PI4KA: variants seen among roughly 807,000 people sequenced by gnomAD.
The protein encoded by PI4KA is phosphatidylinositol 4-kinase alpha.
PI4KA carries 122 observed loss-of-function variants against 271.4 expected under a neutral mutation model. The observed-to-expected ratio is 0.45, with a 90% CI of 0.39 to 0.52. The LOEUF is 0.52. Ranked by LOEUF, PI4KA falls within the 20% of genes least tolerant of loss-of-function variation. The pLI is 0.00. For synonymous variants in PI4KA, 1,041 were observed against 1,078.8 expected, an observed-to-expected ratio of 0.96 and a Z score of 0.69; for missense variants, 1,969 against 2,769.1, an observed-to-expected ratio of 0.71 and a Z score of 6.48.
chr22:20,796,783 G>A (rs971068253), intron 17 of PI4KA, among the ~76,000 whole-genome samples: 5 of 152,230 alleles, frequency 3.3e-5, no homozygotes, highest in Non-Finnish European at 7.3e-5. Flanking sequence ...CCACCTTGGA[G>A]CTGATGTCAG....
At chr22:20,857,345 C>A (rs1221436153) in intron 1 of PI4KA, among the ~76,000 whole-genome samples, 5 of 152,170 alleles carry the variant, frequency 3.3e-5, no homozygotes, top group South Asian at 2.1e-4. Context: ...ACCTTCTCAC[C>A]CCGAAGGTGC....
chr22:20,786,076 G>A (rs1394948209), intron 19 of PI4KA: 1 of 1,614,120 alleles, frequency 6.2e-7, no homozygotes, highest in Non-Finnish European at 8.5e-7. Flanking sequence ...TGAAGTTGAT[G>A]GGGATCAGGA....
chr22:20,803,862 T>C (rs1238975834), intron 12 of PI4KA, among the ~76,000 whole-genome samples: 3 of 152,188 alleles, frequency 2.0e-5, no homozygotes, highest in East Asian at 1.9e-4. Context: ...TTTGGAAGCA[T>C]ACTAAAGAAG....
At chr22:20,846,075 C>A (rs1241250654) in intron 1 of PI4KA, among the ~76,000 whole-genome samples, 1 of 151,438 alleles carries the variant, frequency 6.6e-6, no homozygotes, top group Non-Finnish European at 1.5e-5. Context: ...CTGGCCAACA[C>A]AGTGAAACCC....
Position 20,742,673 on chromosome 22 carries a change from CG to C in PI4KA, c.3547del (p.Arg1183AlafsTer14). 6.2e-7 allele frequency: 1 copy of C among 1,613,994 alleles called. No individual in the cohort carries two copies. Among genetic ancestry groups the C allele is most frequent in the African/African-American group, 1.3e-5 (1 of 74,996 alleles). ...MVQDLHSALD[R>X]SHPQHYTQAM... ...CTGCGTGTAGTGCTGAGGATGACTG[CG>C]GTCTAAAGCTGAATGTAGATCCTGG... On this transcript the variant is annotated frameshift_variant, in exon 31 of 55. Coordinates refer to ENST00000255882, the MANE Select transcript of PI4KA (RefSeq NM_058004.4). LOFTEE classifies it high-confidence loss of function.
In PI4KA at chr22:20,752,807, C is replaced by T. The variant is rs1201124716; in HGVS notation, c.2987+96G>A. The T allele has an allele frequency of 1.2e-5, 16 of 1,323,476 alleles. No homozygotes were observed. The East Asian group carries it at 3.5e-4, about 29-fold the overall frequency. The allele number at this position is 1,323,476 out of a possible 1,614,324, so 82.0% of individuals were successfully genotyped here. ...AGTTTTCATTCTGACTCCATTTTTT[C>T]CTAGATTAATAATATAAGGATGATT... On this transcript the variant is annotated intron_variant, in intron 25 of 54. Coordinates refer to ENST00000255882, the MANE Select transcript of PI4KA (RefSeq NM_058004.4).
chr22:20,779,636 G>A lies in PI4KA; in HGVS notation c.2328+13557C>T, dbSNP rs376406193. On this transcript the variant is annotated intron_variant, in intron 19 of 54. Coordinates refer to ENST00000255882, the MANE Select transcript of PI4KA (RefSeq NM_058004.4). The stretch of plus-strand genomic sequence containing the variant: ...CAGTTTCCCCGACAGACTCTGATGT[G>A]AGTGCTGGGAACATCCTCCAGCTTT... The A allele has an allele frequency of 5.0e-6, 8 of 1,614,040 alleles. No homozygotes were observed. In the African/African-American group the frequency reaches 9.3e-5, roughly 19 times the overall value.
intron 1 of PI4KA, among the ~76,000 whole-genome samples, chr22:20,854,182 G>C (rs1323359437): frequency 2.7e-5 from 4 of 150,004 alleles, no homozygotes; most frequent in Non-Finnish European, 5.9e-5. Flanking sequence ...ATGCAGTGGT[G>C]AGATCTCGGC....
intron 19 of PI4KA, among the ~76,000 whole-genome samples, chr22:20,767,031 A>G (rs1932598202): frequency 6.6e-6 from 1 of 152,254 alleles, no homozygotes; most frequent in African/African-American, 2.4e-5. Flanking sequence ...TGAGAAATCT[A>G]TCCAAAAAAT....
chr22:20,794,035 C>T (rs1400068938), intron 18 of PI4KA, among the ~76,000 whole-genome samples: 1 of 152,258 alleles, frequency 6.6e-6, no homozygotes, highest in African/African-American at 2.4e-5. Flanking sequence ...CAAGGCCACA[C>T]AGCACCTCAG....
At chr22:20,851,237 C>T (rs1225563026) in intron 1 of PI4KA, among the ~76,000 whole-genome samples, 2 of 151,994 alleles carry the variant, frequency 1.3e-5, no homozygotes, top group Non-Finnish European at 1.5e-5. Context: ...AATACCAGGG[C>T]CTAGCACAGT....
At chr22:20,821,450 C>CCT (rs1282179748) in intron 4 of PI4KA, among the ~76,000 whole-genome samples, 2 of 152,012 alleles carry the variant, frequency 1.3e-5, no homozygotes, top group Non-Finnish European at 2.9e-5. Context: ...GAACTCCTGA[C>CCT]CTCAGGTGAT....
At chr22:20,728,072 A>C (rs1927579665) in intron 39 of PI4KA, among the ~76,000 whole-genome samples, 1 of 152,196 alleles carries the variant, frequency 6.6e-6, no homozygotes, top group Non-Finnish European at 1.5e-5. Context: ...TAATAACTTA[A>C]TTGTATATTG....
rs757381753 is a variant in PI4KA, at chr22:20,805,134, A to G, written c.1200T>C (p.His400=). Residue 400 remains histidine, a synonymous_variant, in exon 11 of 55, where the codon CAT becomes CAC. Transcript: ENST00000255882. ...DLPTSFVKEI[H]DFVLEQFNTS... is the part of the protein sequence containing the mutation. ...TGTTGAACTGCTCCAGCACAAAATC[A>G]TGGATCTCCTTCACAAAAGAGGTCG... The G allele has an allele frequency of 6.2e-7, 1 of 1,614,000 alleles. No individual in the cohort carries two copies. Among genetic ancestry groups the G allele is most frequent in the Admixed American group, 1.7e-5 (1 of 60,018 alleles).
At position 20,751,731 on chromosome 22, in the gene PI4KA, C is replaced by T. The variant is rs774215022; in HGVS notation, c.3012G>A (p.Gly1004=). Residue 1004 remains glycine, a synonymous_variant, in exon 26 of 55, where the codon GGG becomes GGA. Coordinates refer to ENST00000255882, the MANE Select transcript of PI4KA (RefSeq NM_058004.4). ...VDKFPHLLWS[G]TVLKTMLDIL... is the part of the protein sequence containing the mutation. ...TGTCCAGCATGGTCTTCAGCACAGT[C>T]CCGCTCCAGAGCAAGTGGGGAAACC... is the stretch of plus-strand genomic sequence containing the variant. The T allele has an allele frequency of 6.2e-7, 1 of 1,614,082 alleles. No individual in the cohort carries two copies. Among genetic ancestry groups the T allele is most frequent in the Non-Finnish European group, 8.5e-7 (1 of 1,179,976 alleles).
chr22:20,777,044 T>G lies in PI4KA; in HGVS notation c.2329-11351A>C, dbSNP rs201962499. Among the ~76,000 whole-genome samples the G allele has an allele frequency of 5.8e-3, 231 of 39,506 alleles. 1 individual carries two copies. The highest frequency in any genetic ancestry group is 0.027 in the African/African-American group (193 of 7,160). The allele number at this position is 39,506 out of a possible 152,430, so 25.9% of individuals were successfully genotyped here. ...CTTAACAAAAGGCAGTTTTTTTTTG[T>G]TTTTTTTTTGTTTTCTGTTTTTTGA... On this transcript the variant is annotated intron_variant, in intron 19 of 54. Transcript: ENST00000255882.
chr22:20,747,364 A>T lies in PI4KA; in HGVS notation c.3363+219T>A, dbSNP rs539341705. The T allele has an allele frequency of 5.2e-3, 885 of 170,950 alleles. 13 individuals are homozygous for T. The East Asian group carries it at 0.088, about 17-fold the overall frequency. The allele number at this position is 170,950 out of a possible 1,614,324, so 10.6% of individuals were successfully genotyped here. A position where few individuals can be genotyped will look rare whatever the true frequency, so the allele number is the denominator to read the frequency against. On this transcript the variant is annotated intron_variant, in intron 29 of 54. Coordinates refer to ENST00000255882, the MANE Select transcript of PI4KA (RefSeq NM_058004.4). ...CTGATCCCCATAAATCCATAAATTT[A>T]AAAAAAAAAAAGCACAATAAGGAAA...
intron 36 of PI4KA, among the ~76,000 whole-genome samples, chr22:20,730,691 C>A (rs922353235): frequency 1.3e-5 from 2 of 152,066 alleles, no homozygotes; most frequent in African/African-American, 4.8e-5. Context: ...CTGTCTCAGC[C>A]TCCCGAATAG....
chr22:20,815,935 ACTT>A (rs1035939554), intron 7 of PI4KA, among the ~76,000 whole-genome samples: 24 of 149,546 alleles, frequency 1.6e-4, no homozygotes, highest in East Asian at 5.9e-4. Context: ...TGTCATTGAA[ACTT>A]CTTTTTTTTT....
Sources: gnomAD v4.1 joint callset for allele counts (sites outside exome capture counted in the v4.1 genomes callset) on GRCh38, gnomAD v4.1.1 for gene constraint, MANE v1.5 for transcripts, NCBI Gene and HGNC (gene_info 2026-07-23, HGNC 2026-07-21) for gene names.